The following ATM variants were observed in gnomAD, a reference collection of about 807,000 sequenced individuals.
The protein encoded by ATM is serine-protein kinase ATM.
ATM carries 308 observed loss-of-function variants against 387.0 expected under a neutral mutation model. The observed-to-expected ratio is 0.80, with a 90% CI of 0.73 to 0.87. The LOEUF (loss-of-function observed/expected upper bound fraction) is 0.87. Ranked by LOEUF, ATM falls within the 40% of genes least tolerant of loss-of-function variation. ATM has a pLI of 0.00. For missense variants in ATM, 3,312 were observed against 3,560.9 expected, an observed-to-expected ratio of 0.93 and a Z score of 1.78; for synonymous variants, 1,156 against 1,187.3, an observed-to-expected ratio of 0.97 and a Z score of 0.54.
At chr11:108,359,013 G>C (rs2090382788) in intron 61 of ATM, among the ~76,000 whole-genome samples, 1 of 151,074 alleles carries the variant, frequency 6.6e-6, no homozygotes, top group African/African-American at 2.4e-5. Flanking sequence ...ATTGGATAAA[G>C]AGTCAAGACC....
In ATM at chr11:108,367,313, G is replaced by A. The variant is rs534103270; in HGVS notation, c.*1805G>A. On this transcript the variant is annotated 3_prime_UTR_variant, in exon 63 of 63. Coordinates refer to ENST00000675843, the MANE Select transcript of ATM (RefSeq NM_000051.4). ...CATTCCCCTCATTTTTGACCGTAAG[G>A]ATTTCCCCTTTCTTGTAAGTTCTGC... The A allele has an allele frequency of 5.5e-6, 1 of 183,112 alleles. No homozygotes were observed. Among genetic ancestry groups the A allele is most frequent in the African/African-American group, 2.3e-5 (1 of 42,584 alleles). 11.3% of individuals were successfully genotyped at this position (183,112 alleles called of 1,614,324 possible). A position where few individuals can be genotyped will look rare whatever the true frequency, so the allele number is the denominator to read the frequency against.
At chr11:108,286,541 G>T (rs1352382135) in intron 26 of ATM, among the ~76,000 whole-genome samples, 1 of 152,090 alleles carries the variant, frequency 6.6e-6, no homozygotes, top group Non-Finnish European at 1.5e-5. Context: ...TGTAAATGAA[G>T]TAGTGGTCTG....
intron 22 of ATM, among the ~76,000 whole-genome samples, chr11:108,276,826 T>A (rs1479429166): frequency 2.6e-5 from 4 of 152,098 alleles, no homozygotes; most frequent in African/African-American, 9.7e-5. Flanking sequence ...TGTCTCCCAG[T>A]CAGGAGGCAC....
At position 108,280,979 on chromosome 11, in the gene ATM, T is replaced by TA. The variant is rs569564716; in HGVS notation, c.3403-16_3403-15insA. 5.6e-4 allele frequency: 859 copies of TA among 1,545,436 alleles called. 11 individuals are homozygous for TA. In the South Asian group the frequency reaches 7.5e-3, roughly 13 times the overall value. On this transcript the variant is annotated splice_polypyrimidine_tract_variant and intron_variant, in intron 23 of 62. Coordinates refer to ENST00000675843, the MANE Select transcript of ATM (RefSeq NM_000051.4). ...TTACATTTTACATTACATTTTTTTT[T>TA]TAATTTCTTTTTAAGTCCCATAGTG...
Position 108,307,137 on chromosome 11 carries a change from TTTTTC to T in ATM, c.5675-755_5675-751del, listed in dbSNP as rs200845177. Among the ~76,000 whole-genome samples, 901 of 151,934 alleles carry T rather than the reference TTTTTC, an allele frequency of 5.9e-3. 3 individuals carry two copies. Among genetic ancestry groups the T allele is most frequent in the East Asian group, 0.01 (54 of 5,182 alleles). Reference sequence around the variant, plus strand: ...TCTTCTTTCAGATATCACTTTTTCTTTTTTCTTTTTTTTTTTTCTTTTTTTCTCTT... The same window carrying T: ...TCTTCTTTCAGATATCACTTTTTCTTTTTTTTTTTTTTCTTTTTTTCTCTT... On this transcript the variant is annotated intron_variant, in intron 37 of 62. Coordinates refer to ENST00000675843, the MANE Select transcript of ATM (RefSeq NM_000051.4).
At position 108,343,389 on chromosome 11, in the gene ATM, T is replaced by C; in HGVS notation, c.8418+18T>C. The C allele has an allele frequency of 6.2e-7, 1 of 1,613,432 alleles. No individual in the cohort carries two copies. Among genetic ancestry groups the C allele is most frequent in the South Asian group, 1.1e-5 (1 of 91,082 alleles). On this transcript the variant is annotated intron_variant, in intron 57 of 62. Transcript: ENST00000675843. ...AAATGATGGTGAGTGACACCCAAAA[T>C]TAAAGGTTATTGTAAGATTATTTAA... is the stretch of plus-strand genomic sequence containing the variant.
intron 39 of ATM, among the ~76,000 whole-genome samples, chr11:108,311,041 C>T (rs1437177088): frequency 1.3e-5 from 2 of 152,182 alleles, no homozygotes; most frequent in Non-Finnish European, 2.9e-5. Context: ...GATCATAGCT[C>T]ACTGTAGCCT....
At chr11:108,321,038 G>A (rs925964862) in intron 44 of ATM, among the ~76,000 whole-genome samples, 3 of 152,210 alleles carry the variant, frequency 2.0e-5, no homozygotes, top group Admixed American at 6.5e-5. Flanking sequence ...AGTAGGATAA[G>A]GAGGAAGGGT....
intron 57 of ATM, among the ~76,000 whole-genome samples, chr11:108,344,609 A>G (rs569026413): frequency 1.3e-5 from 2 of 152,236 alleles, no homozygotes; most frequent in African/African-American, 4.8e-5. Flanking sequence ...GAGGCATGAG[A>G]TGGTCTGAAC....
At chr11:108,335,301 C>T (rs1442737628) in intron 55 of ATM, 192 bp downstream of exon 55, 26 of 1,496,922 alleles carry the variant, frequency 1.7e-5, no homozygotes, top group Non-Finnish European at 2.3e-5. Flanking sequence ...CTCTGAAAGA[C>T]AATCATTATT....
At chr11:108,313,425 A>G (rs1379087789) in intron 40 of ATM, among the ~76,000 whole-genome samples, 2 of 151,774 alleles carry the variant, frequency 1.3e-5, no homozygotes, top group African/African-American at 4.8e-5. Context: ...CCCCCCTTCC[A>G]TTTATTCCAG....
chr11:108,259,616 A>G (rs1331321234), intron 16 of ATM, among the ~76,000 whole-genome samples: 1 of 152,248 alleles, frequency 6.6e-6, no homozygotes, highest in Non-Finnish European at 1.5e-5. Context: ...TTCTCAATAA[A>G]TAATACATTT....
At chr11:108,358,087 G>A (rs1345317009) in intron 61 of ATM, among the ~76,000 whole-genome samples, 1 of 150,238 alleles carries the variant, frequency 6.7e-6, no homozygotes, top group Non-Finnish European at 1.5e-5. Context: ...AACCAATACA[G>A]AGAAGTGCTT....
rs373000024 is a variant in ATM at position 108,293,178 on chromosome 11, G to C, written c.4612-135G>C. 1.1e-3 allele frequency: 679 copies of C among 631,618 alleles called. 5 individuals carry two copies. In the African/African-American group the frequency reaches 0.011, roughly 11 times the overall value. 39.1% of individuals were successfully genotyped at this position (631,618 alleles called of 1,614,324 possible). On this transcript the variant is annotated intron_variant, in intron 30 of 62. Coordinates refer to ENST00000675843, the MANE Select transcript of ATM (RefSeq NM_000051.4). ...TTTGAAAACACAGAAACTAAAAGCT[G>C]GGTATCTTAGACGTAATTAGAACAT...
intron 8 of ATM, 43 bp downstream of exon 8, chr11:108,247,170 ATT>A: frequency 6.4e-7 from 1 of 1,553,822 alleles, no homozygotes; most frequent in Non-Finnish European, 8.8e-7. Flanking sequence ...TTTCCTGTTA[ATT>A]TTTTTTTTAA....
chr11:108,290,638 CAAA>C lies in ATM; in HGVS notation c.4436+864_4436+866del, dbSNP rs10603787. The C allele has an allele frequency of 3.5e-3, 243 of 68,630 alleles. 1 individual carries two copies. Among genetic ancestry groups the C allele is most frequent in the South Asian group, 0.013 (25 of 1,906 alleles). The allele number at this position is 68,630 out of a possible 1,614,324, so 4.3% of individuals were successfully genotyped here. On this transcript the variant is annotated intron_variant, in intron 29 of 62. Coordinates refer to ENST00000675843, the MANE Select transcript of ATM (RefSeq NM_000051.4). ...GGGAGACAGAGCGAGACTCTTGTCT[CAAA>C]AAAAAAAAAAAAAAAAAAAAAAAAA...
intron 1 of ATM, chr11:108,226,342 T>G (rs151269859): frequency 7.6e-4 from 115 of 152,298 alleles, no homozygotes; most frequent in African/African-American, 2.7e-3. Flanking sequence ...CTTCCCATCT[T>G]TGTGTCCATG....
At chr11:108,342,455 A>G (rs2087708258) in intron 56 of ATM, among the ~76,000 whole-genome samples, 1 of 152,174 alleles carries the variant, frequency 6.6e-6, no homozygotes, top group Non-Finnish European at 1.5e-5. Flanking sequence ...AATACTTACA[A>G]CTATTTGTGT....
In ATM at chr11:108,353,785, C is replaced by CA. The variant is rs1555142816; in HGVS notation, c.8695dup (p.Ile2899AsnfsTer6). The CA allele has an allele frequency of 1.2e-6, 2 of 1,613,916 alleles. No individual in the cohort carries two copies. The highest frequency in any genetic ancestry group is 1.7e-6 in the Non-Finnish European group (2 of 1,179,846). ...CTTTAGGTGTTGCTTTTGAACAGGG[C>CA]AAAATCCTTCCTACTCCTGAGACAG... On this transcript the variant is annotated frameshift_variant, in exon 60 of 63. Coordinates refer to ENST00000675843, the MANE Select transcript of ATM (RefSeq NM_000051.4). LOFTEE classifies it high-confidence loss of function.
Sources: allele counts gnomAD v4.1 joint callset (sites outside exome capture counted in the v4.1 genomes callset), GRCh38; gene constraint gnomAD v4.1.1; transcripts MANE v1.5; gene names NCBI Gene and HGNC (gene_info 2026-07-23, HGNC 2026-07-21).